DNAH2: variants seen among roughly 807,000 people sequenced by gnomAD.
The protein encoded by DNAH2 is axonemal beta dynein heavy chain 2.
DNAH2 carries 323 observed loss-of-function variants against 523.5 expected under a neutral mutation model. The observed-to-expected ratio is 0.62, with a 90% CI of 0.56 to 0.68. The LOEUF is 0.68. Ranked by LOEUF, DNAH2 falls within the 30% of genes least tolerant of loss-of-function variation. The pLI is 0.00. For missense variants in DNAH2, 4,907 were observed against 5,701.5 expected (o/e 0.86, Z 4.49); for synonymous variants, 2,093 against 2,177.4 (o/e 0.96, Z 1.08).
rs918614949 is a variant in DNAH2, at chr17:7,734,679, C to T, written c.949C>T (p.Pro317Ser). The change falls in exon 7 of 86, where the codon CCC (proline) becomes TCC (serine). Residue 317 changes from proline to serine, a missense_variant. Physicochemically the swap from Pro to Ser is moderately conservative, Grantham distance 74 (BLOSUM62 -1). Transcript: ENST00000572933. Reference sequence around the variant, plus strand: ...CCTTGCCAAGTCGTCCTACTTGGCGCCCTTTATGAAACTGGCACAGCAGAT... The same window carrying T: ...CCTTGCCAAGTCGTCCTACTTGGCGTCCTTTATGAAACTGGCACAGCAGAT... Reference protein sequence around the residue: ...LHLAKSSYLAPFMKLAQQIQD... With the variant: ...LHLAKSSYLASFMKLAQQIQD... 6.2e-7 allele frequency: 1 copy of T among 1,612,470 alleles called. No homozygotes were observed. Among genetic ancestry groups the T allele is most frequent in the Admixed American group, 1.7e-5 (1 of 59,724 alleles).
Position 7,770,269 on chromosome 17 carries a change from G to T in DNAH2, c.3959G>T (p.Arg1320Leu), listed in dbSNP as rs746509223. 10 of 1,610,088 alleles carry T rather than the reference G, an allele frequency of 6.2e-6. No homozygotes were observed. The Admixed American group carries it at 1.7e-4, about 27-fold the overall frequency. Residue 1320 changes from arginine (R) to leucine (L), a missense_variant, in exon 25 of 86, where the codon CGG (arginine) becomes CTG (leucine). Around this residue, in one of 3 missense-constraint regions of DNAH2, gnomAD observed 2,806 missense variants for 3,190.8 expected, o/e 0.88. Coordinates refer to ENST00000572933, the MANE Select transcript of DNAH2 (RefSeq NM_020877.5). ...ALRERHWDQV[R>L]DEIQREFDQE... ...GGCTGCAGGCACTGGGACCAGGTCC[G>T]GGATGAGATCCAGCGGGAGTTTGAT...
At chr17:7,815,858 G>A (rs2077652646) in intron 63 of DNAH2, among the ~76,000 whole-genome samples, 1 of 152,180 alleles carries the variant, frequency 6.6e-6, no homozygotes. Context: ...GAGTCCACAG[G>A]TGGCAATGAC....
intron 44 of DNAH2, among the ~76,000 whole-genome samples, chr17:7,791,382 A>AT (rs1312558190): frequency 2.0e-5 from 3 of 151,900 alleles, no homozygotes; most frequent in South Asian, 2.1e-4. Context: ...AAAATGTGGT[A>AT]TTTTTTTTTA....
chr17:7,796,006 A>C (rs550765026), intron 49 of DNAH2, among the ~76,000 whole-genome samples: 2 of 146,434 alleles, frequency 1.4e-5, no homozygotes, highest in African/African-American at 4.9e-5. Flanking sequence ...ATAGTGTTAT[A>C]TAATAGTATT....
intron 5 of DNAH2, among the ~76,000 whole-genome samples, chr17:7,733,794 C>A (rs1374090189): frequency 6.6e-6 from 1 of 151,934 alleles, no homozygotes; most frequent in Non-Finnish European, 1.5e-5. Flanking sequence ...GCTTTCTAAT[C>A]CAGACACACT....
At chr17:7,732,029 C>CAAA (rs35844931) in intron 4 of DNAH2, among the ~76,000 whole-genome samples, 1 of 118,208 alleles carries the variant, frequency 8.5e-6, no homozygotes, top group Non-Finnish European at 1.8e-5. Flanking sequence ...AACTTCGTCT[C>CAAA]AAAAAAAAAA....
At position 7,734,296 on chromosome 17, in the gene DNAH2, G is replaced by T; in HGVS notation, c.739+3G>T. 1 of 1,607,186 alleles carries T rather than the reference G, an allele frequency of 6.2e-7. No homozygotes were observed. Among genetic ancestry groups the T allele is most frequent in the Non-Finnish European group, 8.5e-7 (1 of 1,176,694 alleles). On this transcript the variant is annotated splice_donor_region_variant and intron_variant, in intron 6 of 85. Transcript: ENST00000572933. Reference sequence around the variant, plus strand: ...AGAGCTGGTGCAACGGCTAGAGAGTGAGTGGCTGGCACTGCTAGCATCACC... The same window carrying T: ...AGAGCTGGTGCAACGGCTAGAGAGTTAGTGGCTGGCACTGCTAGCATCACC...
intron 16 of DNAH2, 42 bp from the exon 17 acceptor site, chr17:7,759,749 G>A (rs763238082): frequency 1.2e-6 from 2 of 1,613,392 alleles, no homozygotes; most frequent in South Asian, 2.2e-5. Context: ...GACCTTCCCA[G>A]TCCTAAGGCT....
intron 1 of DNAH2, among the ~76,000 whole-genome samples, 175 bp from the exon 2 acceptor site, chr17:7,719,546 G>A (rs1034454715): frequency 3.9e-5 from 6 of 152,216 alleles, no homozygotes; most frequent in Non-Finnish European, 8.8e-5. Flanking sequence ...GGCCTCCCAG[G>A]CCCCTGTGGA....
Position 7,807,187 on chromosome 17 carries a change from TAA to T in DNAH2, c.9482_9483del (p.Lys3161ArgfsTer6). 1 of 1,611,364 alleles carries T rather than the reference TAA, an allele frequency of 6.2e-7. No homozygotes were observed. Among genetic ancestry groups the T allele is most frequent in the Non-Finnish European group, 8.5e-7 (1 of 1,180,008 alleles). On this transcript the variant is annotated frameshift_variant, in exon 62 of 86. Transcript: ENST00000572933. LOFTEE classifies it high-confidence loss of function. The surrounding 1 kb of genome is among the most constrained non-coding windows in gnomAD (Gnocchi z 5.6). The stretch of plus-strand genomic sequence containing the variant: ...TCATCAAGTCACTGATCAACTTTGA[TAA>T]AGACAATATCTCAGATAAGGTTCTG... ...NFIKSLINFD[K>X]DNISDKVLKK...
rs753773311 is a variant in DNAH2, at chr17:7,817,772, C to T, written c.10170-18C>T. 2 of 1,613,972 alleles carry T rather than the reference C, an allele frequency of 1.2e-6. No homozygotes were observed. Among genetic ancestry groups the T allele is most frequent in the East Asian group, 4.5e-5 (2 of 44,874 alleles). On this transcript the variant is annotated intron_variant, in intron 66 of 85. Transcript: ENST00000572933. ...ATGGGAGAGAGGGCCTCACCTCTGA[C>T]CTGTACTCCCCTTCCAGGTGGGCAC...
chr17:7,742,586 C>T (rs1459112052), intron 11 of DNAH2, among the ~76,000 whole-genome samples: 1 of 152,196 alleles, frequency 6.6e-6, no homozygotes, highest in Non-Finnish European at 1.5e-5. Flanking sequence ...GGACTACGCC[C>T]AGGCTAGGAA....
At chr17:7,826,019 G>A (rs1432673026) in intron 77 of DNAH2, among the ~76,000 whole-genome samples, 1 of 152,214 alleles carries the variant, frequency 6.6e-6, no homozygotes, top group African/African-American at 2.4e-5. Flanking sequence ...AGGAAGGTTA[G>A]ATATGGAGTT....
chr17:7,740,380 C>T (rs1387387031), intron 9 of DNAH2, 40 bp from the exon 10 acceptor site: 5 of 1,609,486 alleles, frequency 3.1e-6, no homozygotes, highest in African/African-American at 2.7e-5. Flanking sequence ...TGGGGGCAGG[C>T]GAGGGCACTC....
At chr17:7,776,690 A>G in intron 31 of DNAH2, 89 bp from the exon 32 acceptor site, 3 of 1,022,200 alleles carry the variant, frequency 2.9e-6, no homozygotes, top group Non-Finnish European at 4.4e-6. Context: ...GGAGAGGCAC[A>G]TGGTTCTTGA....
At chr17:7,772,221 G>A (rs987107333) in intron 28 of DNAH2, among the ~76,000 whole-genome samples, 2 of 152,106 alleles carry the variant, frequency 1.3e-5, no homozygotes, top group African/African-American at 2.4e-5. Context: ...TGGTGGGGGT[G>A]CAGAGGACCT....
At chr17:7,759,348 G>A in intron 15 of DNAH2, 74 bp from the exon 16 acceptor site, 3 of 1,534,810 alleles carry the variant, frequency 2.0e-6, no homozygotes, top group Non-Finnish European at 1.8e-6. Flanking sequence ...CTTCCCTGTT[G>A]GCTGGTTCTC....
At chr17:7,816,882 C>A in intron 64 of DNAH2, 147 bp downstream of exon 64, 1 of 1,017,654 alleles carries the variant, frequency 9.8e-7, no homozygotes, top group Non-Finnish European at 1.4e-6. Context: ...AGCTCTTCCC[C>A]TCCCCCTGCA....
In DNAH2 at chr17:7,820,767, C is replaced by T. The variant is rs924132874; in HGVS notation, c.11016-476C>T. 1.3e-4 allele frequency among the ~76,000 whole-genome samples: 20 copies of T among 152,244 alleles called. No individual in the cohort carries two copies. In the East Asian group the frequency reaches 2.7e-3, roughly 21 times the overall value. On this transcript the variant is annotated intron_variant, in intron 72 of 85. Transcript: ENST00000572933. The stretch of plus-strand genomic sequence containing the variant: ...CTAATTATGAGTGAATGGCTGGGCA[C>T]GTTGGCTCACACCTGTAATCCCAGC...
Sources: gnomAD v4.1 joint callset for allele counts (sites outside exome capture counted in the v4.1 genomes callset) on GRCh38, gnomAD v4.1.1 for gene constraint, gnomAD v4.1.1 regional missense constraint, Gnocchi (gnomAD v3.1) non-coding constraint, MANE v1.5 for transcripts, NCBI Gene and HGNC (gene_info 2026-07-23, HGNC 2026-07-21) for gene names.